The following TM6SF1 variants were observed in gnomAD, a reference collection of about 807,000 sequenced individuals.
TM6SF1 encodes the protein transmembrane 6 superfamily member 1.
A neutral mutation model predicts 47.1 loss-of-function variants in TM6SF1; 43 were observed. That is an observed-to-expected ratio of 0.91 (90% CI 0.72 to 1.18). The LOEUF (loss-of-function observed/expected upper bound fraction) is 1.18, where lower values mean the gene tolerates loss of function less well. TM6SF1 is among the 50% of genes most tolerant of loss of function. The pLI is 0.00. For synonymous variants in TM6SF1, 177 were observed against 166.3 expected, an observed-to-expected ratio of 1.06 and a Z score of -0.49; for missense variants, 390 against 449.0, an observed-to-expected ratio of 0.87 and a Z score of 1.19.
At chr15:83,115,797 T>C (rs2034606214) in intron 2 of TM6SF1, 48 bp from the exon 3 acceptor site, 28 of 1,243,750 alleles carry the variant, frequency 2.3e-5, no homozygotes, top group Non-Finnish European at 3.2e-5. Flanking sequence ...CTTGTAGTAA[T>C]TGTCTCCTGA....
chr15:83,124,999 A>G (rs2035602025), intron 7 of TM6SF1, among the ~76,000 whole-genome samples: 1 of 152,154 alleles, frequency 6.6e-6, no homozygotes, highest in African/African-American at 2.4e-5. Flanking sequence ...TCTACTCAGA[A>G]GCATCTTCCT....
At chr15:83,125,383 A>G (rs996482472) in intron 7 of TM6SF1, among the ~76,000 whole-genome samples, 1 of 152,248 alleles carries the variant, frequency 6.6e-6, no homozygotes, top group Non-Finnish European at 1.5e-5. Context: ...AAAGACTCAC[A>G]GGCTTTGTAG....
At chr15:83,121,237 ATT>A (rs1229395202) in intron 4 of TM6SF1, among the ~76,000 whole-genome samples, 7 of 139,412 alleles carry the variant, frequency 5.0e-5, no homozygotes, top group Admixed American at 7.2e-5. Flanking sequence ...TGCCCAGCTA[ATT>A]TTTTTTTTTT....
chr15:83,110,823 A>C lies in TM6SF1; in HGVS notation c.93-1974A>C, dbSNP rs552541288. Among the ~76,000 whole-genome samples, 3 of 152,292 alleles carry C rather than the reference A, an allele frequency of 2.0e-5. No individual in the cohort carries two copies. The South Asian group carries it at 6.2e-4, about 32-fold the overall frequency. On this transcript the variant is annotated intron_variant, in intron 1 of 9. Coordinates refer to ENST00000322019, the MANE Select transcript of TM6SF1 (RefSeq NM_023003.5). ...GAAACCTCCTATTTTTCAGTTTCTC[A>C]CCTGGACATTGAAACAGCCACCCTC... is the stretch of plus-strand genomic sequence containing the variant.
rs548386806 is a variant in TM6SF1, at chr15:83,127,219, G to GT, written c.802-138dup. On this transcript the variant is annotated intron_variant, in intron 8 of 9. Coordinates refer to ENST00000322019, the MANE Select transcript of TM6SF1 (RefSeq NM_023003.5). ...AAAAAATAAATAAATAAAAATAAAAGTAAAAAAAAAAAAAGAGTCCCATAT... is the reference window on the plus strand; with the variant it reads ...AAAAAATAAATAAATAAAAATAAAAGTTAAAAAAAAAAAAAGAGTCCCATAT... 1.5e-4 allele frequency: 110 copies of GT among 733,738 alleles called. No homozygotes were observed. In the South Asian group the frequency reaches 1.8e-3, roughly 12 times the overall value. The allele number at this position is 733,738 out of a possible 1,614,324, so 45.5% of individuals were successfully genotyped here. A position where few individuals can be genotyped will look rare whatever the true frequency, so the allele number is the denominator to read the frequency against.
chr15:83,115,942 G>A lies in TM6SF1; in HGVS notation c.294G>A (p.Glu98=), dbSNP rs1237493357. ...GGTTCATGACACACTACTTGAGAGAGGTATGGGATCACTTAGTGATTATGA... is the reference window on the plus strand; with the variant it reads ...GGTTCATGACACACTACTTGAGAGAAGTATGGGATCACTTAGTGATTATGA... The part of the protein sequence containing the change: ...IDGFMTHYLR[E]GEPYLNTAYG... Residue 98 remains glutamate (E), a splice_region_variant and synonymous_variant, in exon 3 of 10, where the codon GAG becomes GAA. Transcript: ENST00000322019. 1 of 1,610,960 alleles carries A rather than the reference G, an allele frequency of 6.2e-7. No individual in the cohort carries two copies. The highest frequency in any genetic ancestry group is 8.5e-7 in the Non-Finnish European group (1 of 1,177,240).
At chr15:83,112,693 T>C (rs557541233) in intron 1 of TM6SF1, 104 bp from the exon 2 acceptor site, 83 of 824,126 alleles carry the variant, frequency 1.0e-4, no homozygotes, top group African/African-American at 6.9e-4. Flanking sequence ...GAATTATGGA[T>C]GAATTATGCA....
At chr15:83,126,536 A>G (rs1411458120) in intron 7 of TM6SF1, among the ~76,000 whole-genome samples, 1 of 152,210 alleles carries the variant, frequency 6.6e-6, no homozygotes, top group Non-Finnish European at 1.5e-5. Flanking sequence ...ACCCAAGAAT[A>G]GGGCATTAGT....
At chr15:83,127,831 CT>C in intron 9 of TM6SF1, 1 of 262,462 alleles carries the variant, frequency 3.8e-6, no homozygotes, top group Non-Finnish European at 7.3e-6. Context: ...GAGCTGTCAC[CT>C]TCAAAATGTC....
At chr15:83,126,608 T>C (rs2035767806) in intron 7 of TM6SF1, 147 bp from the exon 8 acceptor site, 1 of 606,350 alleles carries the variant, frequency 1.6e-6, no homozygotes, top group Non-Finnish European at 2.9e-6. Context: ...CTGCAAAATA[T>C]TTCCATCATT....
chr15:83,119,169 A>G (rs949385202), intron 3 of TM6SF1, among the ~76,000 whole-genome samples: 4 of 152,204 alleles, frequency 2.6e-5, no homozygotes, highest in Non-Finnish European at 5.9e-5. Flanking sequence ...AGCATGAATT[A>G]TTAAGGCCAG....
chr15:83,122,773 A>G lies in TM6SF1; in HGVS notation c.498A>G (p.Arg166=). ...TTTAAATAGGGAAGTATGGAACACG[A>G]ATTTGCCCTGCTTTTTTCTTAAGCA... is the stretch of plus-strand genomic sequence containing the variant. The part of the protein sequence containing the change: ...PGNIVGKYGT[R]ICPAFFLSIP... Residue 166 remains arginine, a synonymous_variant, in exon 6 of 10, where the codon CGA becomes CGG. Coordinates refer to ENST00000322019, the MANE Select transcript of TM6SF1 (RefSeq NM_023003.5). 2 of 1,613,854 alleles carry G rather than the reference A, an allele frequency of 1.2e-6. No individual in the cohort carries two copies. Among genetic ancestry groups the G allele is most frequent in the South Asian group, 2.2e-5 (2 of 91,036 alleles).
At chr15:83,121,734 G>A (rs1007424501) in intron 4 of TM6SF1, among the ~76,000 whole-genome samples, 187 bp from the exon 5 acceptor site, 9 of 152,178 alleles carry the variant, frequency 5.9e-5, no homozygotes, top group African/African-American at 2.2e-4. Flanking sequence ...AGGTTCTATA[G>A]TATATCACAT....
intron 4 of TM6SF1, among the ~76,000 whole-genome samples, 174 bp from the exon 5 acceptor site, chr15:83,121,747 C>T (rs2035270051): frequency 6.6e-6 from 1 of 152,192 alleles, no homozygotes; most frequent in South Asian, 2.1e-4. Flanking sequence ...TATCACATGG[C>T]AATGAAGTTA....
Position 83,127,433 on chromosome 15 carries a change from T to C in TM6SF1, c.877T>C (p.Trp293Arg), listed in dbSNP as rs2035868906. Residue 293 changes from tryptophan (W) to arginine (R), a missense_variant, in exon 9 of 10, where the codon TGG (tryptophan) becomes CGG (arginine). Transcript: ENST00000322019. ...TGGCTTAGTGGTTCCTGGATGTTCCTGGATGCCTGACATCACATTGATACA... is the reference window on the plus strand; with the variant it reads ...TGGCTTAGTGGTTCCTGGATGTTCCCGGATGCCTGACATCACATTGATACA... ...LYGLVVPGCS[W>R]MPDITLIHAG... The C allele has an allele frequency of 3.7e-6, 6 of 1,613,844 alleles. No individual in the cohort carries two copies. The highest frequency in any genetic ancestry group is 1.7e-6 in the Non-Finnish European group (2 of 1,179,878).
intron 9 of TM6SF1, chr15:83,135,062 A>G (rs1225170910): frequency 6.6e-6 from 1 of 152,210 alleles, no homozygotes; most frequent in Non-Finnish European, 1.5e-5. Flanking sequence ...ATGGATCACA[A>G]TGTAGACAAT....
Position 83,126,808 on chromosome 15 carries a change from G to A in TM6SF1, c.762G>A (p.Glu254=), listed in dbSNP as rs1055718575. The A allele has an allele frequency of 1.2e-6, 2 of 1,613,976 alleles. No individual in the cohort carries two copies. Among genetic ancestry groups the A allele is most frequent in the Non-Finnish European group, 1.7e-6 (2 of 1,179,930 alleles). ...ELCRLYTQFQ[E]PYLKDPAAYP... ...GCCGATTATATACGCAATTTCAAGA[G>A]CCCTATCTAAAGGATCCTGCTGCTT... is the stretch of plus-strand genomic sequence containing the variant. The change falls in exon 8 of 10, where the codon GAG becomes GAA. Residue 254 remains glutamate (E), a synonymous_variant. Transcript: ENST00000322019.
intron 9 of TM6SF1, chr15:83,128,031 A>G (rs1361231069): frequency 6.6e-6 from 1 of 152,338 alleles, no homozygotes; most frequent in African/African-American, 2.4e-5. Context: ...TCTATGGAGA[A>G]CTTCACACAT....
At chr15:83,111,361 TCATC>T (rs2034149175) in intron 1 of TM6SF1, among the ~76,000 whole-genome samples, 3 of 151,760 alleles carry the variant, frequency 2.0e-5, no homozygotes, top group African/African-American at 4.8e-5. Flanking sequence ...AATTCATCCA[TCATC>T]CATCCATCTA....
Sources: gnomAD v4.1 joint callset for allele counts (sites outside exome capture counted in the v4.1 genomes callset) on GRCh38, gnomAD v4.1.1 for gene constraint, MANE v1.5 for transcripts, NCBI Gene and HGNC (gene_info 2026-07-23, HGNC 2026-07-21) for gene names.